The following DNAI4 variants were observed in gnomAD, a reference collection of about 807,000 sequenced individuals.
DNAI4 encodes the protein WD repeat domain 78.
DNAI4 carries 85 observed loss-of-function variants against 105.8 expected under a neutral mutation model. That is an observed-to-expected ratio of 0.80 (90% CI 0.67 to 0.96). The LOEUF is 0.96. Ranked by LOEUF, DNAI4 falls within the 40% of genes least tolerant of loss-of-function variation. The pLI, the probability that DNAI4 is intolerant of heterozygous loss-of-function variation, is 0.00. For missense variants in DNAI4, 1,014 were observed against 1,005.6 expected (o/e 1.01, Z -0.11); for synonymous variants, 352 against 331.5 (o/e 1.06, Z -0.67).
At chr1:66,871,614 T>C in intron 5 of DNAI4, 105 bp from the exon 6 acceptor site, 12 of 1,207,558 alleles carry the variant, frequency 9.9e-6, no homozygotes, top group Non-Finnish European at 1.3e-5. Flanking sequence ...TAATGTGGCT[T>C]GCACCAAAAA....
intron 1 of DNAI4, among the ~76,000 whole-genome samples, chr1:66,915,371 T>C (rs1649987503): frequency 6.6e-6 from 1 of 152,214 alleles, no homozygotes; most frequent in Admixed American, 6.5e-5. Flanking sequence ...GCTTGGAGGT[T>C]AGAAGCAAGA....
At chr1:66,855,414 C>G (rs1646480285) in intron 7 of DNAI4, among the ~76,000 whole-genome samples, 1 of 152,232 alleles carries the variant, frequency 6.6e-6, no homozygotes, top group South Asian at 2.1e-4. Context: ...ATCTCCTGAT[C>G]TGTTGGTTTT....
chr1:66,891,107 AC>A (rs1420645289), intron 4 of DNAI4, 46 bp downstream of exon 4: 2 of 1,342,632 alleles, frequency 1.5e-6, no homozygotes, highest in Non-Finnish European at 2.1e-6. Context: ...AAGCATATTG[AC>A]TAAATAACGG....
chr1:66,881,378 C>T (rs893241147), intron 4 of DNAI4, among the ~76,000 whole-genome samples: 5 of 152,206 alleles, frequency 3.3e-5, no homozygotes, highest in Non-Finnish European at 2.9e-5. Context: ...AGGAGGGAGG[C>T]TATACCCTGA....
At chr1:66,885,316 T>C (rs1401850529) in intron 4 of DNAI4, among the ~76,000 whole-genome samples, 1 of 152,230 alleles carries the variant, frequency 6.6e-6, no homozygotes, top group Non-Finnish European at 1.5e-5. Flanking sequence ...CTGACCCATG[T>C]CATTTTTCTT....
At chr1:66,837,594 T>A in intron 10 of DNAI4, 116 bp downstream of exon 10, 1 of 1,211,294 alleles carries the variant, frequency 8.3e-7, no homozygotes, top group Non-Finnish European at 1.1e-6. Flanking sequence ...CCAAAGAAAA[T>A]AGTCTTGATT....
chr1:66,866,831 G>A (rs1646744637), intron 6 of DNAI4, among the ~76,000 whole-genome samples: 1 of 152,050 alleles, frequency 6.6e-6, no homozygotes, highest in East Asian at 1.9e-4. Flanking sequence ...CATACCCAAG[G>A]GTAATTATAA....
chr1:66,865,553 T>C (rs1646715511), intron 6 of DNAI4, among the ~76,000 whole-genome samples: 1 of 152,236 alleles, frequency 6.6e-6, no homozygotes, highest in Non-Finnish European at 1.5e-5. Flanking sequence ...CCTTTATTAC[T>C]GATAAGTCTA....
At chr1:66,891,355 G>T in intron 3 of DNAI4, 89 bp from the exon 4 acceptor site, 1 of 848,210 alleles carries the variant, frequency 1.2e-6, no homozygotes, top group Non-Finnish European at 1.9e-6. Context: ...ATCAGATGGA[G>T]AAATCAAATA....
Position 66,890,895 on chromosome 1 carries a change from C to T in DNAI4, c.643+259G>A. 2.2e-6 allele frequency: 1 copy of T among 456,904 alleles called. No individual in the cohort carries two copies. Among genetic ancestry groups the T allele is most frequent in the Non-Finnish European group, 3.9e-6 (1 of 258,206 alleles). 28.3% of individuals were successfully genotyped at this position (456,904 alleles called of 1,614,324 possible). On this transcript the variant is annotated intron_variant, in intron 4 of 16. Transcript: ENST00000371026. This position sits in a 1 kb window ranked among gnomAD's most constrained non-coding sequence, Gnocchi z 4.1. ...GAAGAAGAAGAAGAAGCAGAAGCAG[C>T]AGCAGCAACAGCAGCAGCAGAAGCA... is the stretch of plus-strand genomic sequence containing the variant.
intron 11 of DNAI4, 116 bp from the exon 12 acceptor site, chr1:66,834,264 T>C (rs1053641558): frequency 6.9e-6 from 5 of 722,648 alleles, no homozygotes; most frequent in Non-Finnish European, 8.2e-6. Flanking sequence ...TATATAATCC[T>C]TTTATTGTTC....
rs757447164 is a variant in DNAI4, at chr1:66,924,840, T to C, written c.-9A>G. On this transcript the variant is annotated 5_prime_UTR_variant, in exon 1 of 17. Transcript: ENST00000371026. ...TGTTTGCCGGGCGTCATGGCGACGG[T>C]GGAGCCCTGGCTCAACAAGCGGCCG... 1.2e-6 allele frequency: 2 copies of C among 1,613,454 alleles called. No homozygotes were observed. The highest frequency in any genetic ancestry group is 1.1e-5 in the South Asian group (1 of 91,074).
At chr1:66,873,769 T>C (rs1646899557) in intron 5 of DNAI4, among the ~76,000 whole-genome samples, 1 of 152,118 alleles carries the variant, frequency 6.6e-6, no homozygotes, top group South Asian at 2.1e-4. Flanking sequence ...CAGATCCATA[T>C]GTTAATATTA....
chr1:66,891,174 T>C lies in DNAI4; in HGVS notation c.623A>G (p.Glu208Gly), dbSNP rs778008977. 6 of 1,613,002 alleles carry C rather than the reference T, an allele frequency of 3.7e-6. No individual in the cohort carries two copies. The highest frequency in any genetic ancestry group is 1.1e-5 in the South Asian group (1 of 91,070). ...EDLEEPSYKRERLTSFTDLQV... is the reference protein window; with the variant it reads ...EDLEEPSYKRGRLTSFTDLQV... ...ATTACCTGTGAAACTAGTCAATCTTTCCCGTTTATAGGATGGTTCTTCCAG... is the reference window on the plus strand; with the variant it reads ...ATTACCTGTGAAACTAGTCAATCTTCCCCGTTTATAGGATGGTTCTTCCAG... The change falls in exon 4 of 17, where the codon GAA (glutamate) becomes GGA (glycine). Residue 208 changes from glutamate to glycine, a missense_variant. Coordinates refer to ENST00000371026, the MANE Select transcript of DNAI4 (RefSeq NM_024763.5).
At chr1:66,893,056 A>AAAG in intron 3 of DNAI4, among the ~76,000 whole-genome samples, 173 bp downstream of exon 3, 1 of 88,902 alleles carries the variant, frequency 1.1e-5, no homozygotes, top group African/African-American at 4.8e-5. Flanking sequence ...AGAAAGAAAG[A>AAAG]GAGAGAGAGA....
chr1:66,837,541 C>A, intron 10 of DNAI4, 169 bp downstream of exon 10: 1 of 767,646 alleles, frequency 1.3e-6, no homozygotes, highest in Non-Finnish European at 2.0e-6. Flanking sequence ...ATTATCTTTA[C>A]CCTATGTCAA....
intron 7 of DNAI4, among the ~76,000 whole-genome samples, chr1:66,848,877 T>C (rs184679151): frequency 2.4e-4 from 37 of 152,180 alleles, no homozygotes; most frequent in African/African-American, 8.7e-4. Context: ...ACAGAAAAAA[T>C]TGTAGCCCCA....
chr1:66,874,821 CTG>C lies in DNAI4; in HGVS notation c.758_759del (p.Thr253SerfsTer8). On this transcript the variant is annotated frameshift_variant, in exon 5 of 17. Transcript: ENST00000371026. LOFTEE classifies it high-confidence loss of function. ...TETLRFFDLP[T>X]VMVSVESEEA... is the part of the protein sequence containing the mutation. ...TCTTCAGATTCTACAGAGACCATGA[CTG>C]TGGGCAAGTCAAAAAATCTCAGTGT... is the stretch of plus-strand genomic sequence containing the variant. 1 of 1,613,714 alleles carries C rather than the reference CTG, an allele frequency of 6.2e-7. No individual in the cohort carries two copies.
At chr1:66,844,082 T>C (rs1413617481) in intron 8 of DNAI4, among the ~76,000 whole-genome samples, 2 of 8,136 alleles carry the variant, frequency 2.5e-4, no homozygotes, top group Non-Finnish European at 7.0e-4. Flanking sequence ...CAACTGGAGA[T>C]TCAAAAAAAA....
Sources: allele counts gnomAD v4.1 joint callset (sites outside exome capture counted in the v4.1 genomes callset), GRCh38; gene constraint gnomAD v4.1.1; non-coding constraint Gnocchi (gnomAD v3.1); transcripts MANE v1.5; gene names NCBI Gene and HGNC (gene_info 2026-07-23, HGNC 2026-07-21).